The following HERPUD2 variants were observed in gnomAD, a reference collection of about 807,000 sequenced individuals.
HERPUD2 encodes the protein HERPUD family member 2.
HERPUD2 carries 13 observed loss-of-function variants against 49.9 expected under a neutral mutation model. The observed-to-expected ratio is 0.26, with a 90% confidence interval of 0.17 to 0.41. The LOEUF is 0.41. Ranked by LOEUF, HERPUD2 falls within the 10% of genes least tolerant of loss-of-function variation. The pLI, the probability that HERPUD2 is intolerant of heterozygous loss-of-function variation, is 1.00. For synonymous variants in HERPUD2, 172 were observed against 171.4 expected, an observed-to-expected ratio of 1.00 and a Z score of -0.03; for missense variants, 449 against 492.2, an observed-to-expected ratio of 0.91 and a Z score of 0.83.
At chr7:35,651,671 T>C (rs1785171524) in intron 5 of HERPUD2, among the ~76,000 whole-genome samples, 1 of 151,036 alleles carries the variant, frequency 6.6e-6, no homozygotes, top group Non-Finnish European at 1.5e-5. Flanking sequence ...AGAAGAAACA[T>C]GAAAAAGCAA....
At chr7:35,673,358 G>A in intron 2 of HERPUD2, 80 bp from the exon 3 acceptor site, 48 of 1,058,864 alleles carry the variant, frequency 4.5e-5, no homozygotes, top group East Asian at 1.0e-4. Context: ...CCTAATTATG[G>A]GTAAAATAAA....
chr7:35,665,526 C>G (rs1785518746), intron 5 of HERPUD2, among the ~76,000 whole-genome samples: 1 of 152,214 alleles, frequency 6.6e-6, no homozygotes, highest in African/African-American at 2.4e-5. Flanking sequence ...CACGGCTTCC[C>G]TTTTGTAGTA....
At chr7:35,642,911 G>T (rs1411172118) in intron 5 of HERPUD2, among the ~76,000 whole-genome samples, 1 of 152,080 alleles carries the variant, frequency 6.6e-6, no homozygotes, top group African/African-American at 2.4e-5. Flanking sequence ...TCCATGACAC[G>T]AGTTTACCTA....
chr7:35,665,291 G>A (rs9718654), intron 5 of HERPUD2, among the ~76,000 whole-genome samples: 11,382 of 152,276 alleles, frequency 0.075, 600 homozygotes, highest in South Asian at 0.21. Context: ...TGGCCACTTT[G>A]TTTATGTACT....
At chr7:35,657,294 A>T (rs1785295585) in intron 5 of HERPUD2, among the ~76,000 whole-genome samples, 1 of 152,182 alleles carries the variant, frequency 6.6e-6, no homozygotes, top group Non-Finnish European at 1.5e-5. Flanking sequence ...AATGCAAATC[A>T]AAACCACAAT....
chr7:35,670,917 C>T (rs973927005), intron 3 of HERPUD2, among the ~76,000 whole-genome samples: 6 of 151,664 alleles, frequency 4.0e-5, no homozygotes, highest in Non-Finnish European at 7.4e-5. Context: ...TTCCAAATAA[C>T]GATTAGGGTT....
chr7:35,671,518 A>G (rs144195553), intron 3 of HERPUD2, among the ~76,000 whole-genome samples: 1 of 152,216 alleles, frequency 6.6e-6, no homozygotes, highest in East Asian at 1.9e-4. Flanking sequence ...TAAGATGTTG[A>G]TCCTTAGAAA....
chr7:35,692,063 T>C lies in HERPUD2; in HGVS notation c.147+2121A>G, dbSNP rs140358047. On this transcript the variant is annotated intron_variant, in intron 2 of 8. Transcript: ENST00000311350. ...TCAAAGGAGAAAAAAAGGTTTGCCA[T>C]GTTAATCATTAATAGGCTGCATAGT... 3.0e-3 allele frequency among the ~76,000 whole-genome samples: 460 copies of C among 152,362 alleles called. 2 individuals are homozygous for C. Among genetic ancestry groups the C allele is most frequent in the African/African-American group, 0.011 (444 of 41,582 alleles).
At chr7:35,662,324 T>C (rs533391597) in intron 5 of HERPUD2, among the ~76,000 whole-genome samples, 17 of 152,304 alleles carry the variant, frequency 1.1e-4, no homozygotes, top group African/African-American at 4.1e-4. Flanking sequence ...GGGATATTGG[T>C]CTAAAATTCT....
At position 35,632,990 on chromosome 7, in the gene HERPUD2, G is replaced by A. The variant is rs1050623690; in HGVS notation, c.*700C>T. 1.2e-4 allele frequency: 18 copies of A among 151,670 alleles called. No homozygotes were observed. The highest frequency in any genetic ancestry group is 3.6e-4 in the African/African-American group (15 of 41,170). The allele number at this position is 151,670 out of a possible 1,614,324, so 9.4% of individuals were successfully genotyped here. On this transcript the variant is annotated 3_prime_UTR_variant, in exon 9 of 9. Coordinates refer to ENST00000311350, the MANE Select transcript of HERPUD2 (RefSeq NM_022373.5). ...GTTTAAAACTTTCAAGATAATTCAC[G>A]GAAAACAGATATATCTATTCAAATT... is the stretch of plus-strand genomic sequence containing the variant.
intron 5 of HERPUD2, among the ~76,000 whole-genome samples, chr7:35,646,742 CTGAG>C (rs1785061546): frequency 6.6e-6 from 1 of 151,852 alleles, no homozygotes; most frequent in Admixed American, 6.6e-5. Context: ...GCAAGGAAAA[CTGAG>C]TAAGATAATA....
chr7:35,638,972 G>A (rs1784920249), intron 5 of HERPUD2, among the ~76,000 whole-genome samples: 1 of 151,440 alleles, frequency 6.6e-6, no homozygotes, highest in Non-Finnish European at 1.5e-5. Context: ...ATTCTGTAAA[G>A]AGACAAGATT....
chr7:35,686,454 T>G (rs935776116), intron 2 of HERPUD2, among the ~76,000 whole-genome samples: 1 of 61,172 alleles, frequency 1.6e-5, no homozygotes, highest in Non-Finnish European at 3.0e-5. Flanking sequence ...CCCAAAGTGC[T>G]GGGATTACAG....
intron 2 of HERPUD2, among the ~76,000 whole-genome samples, chr7:35,680,809 G>A (rs149047651): frequency 6.6e-6 from 1 of 152,128 alleles, no homozygotes; most frequent in Non-Finnish European, 1.5e-5. Flanking sequence ...CTGTAATTAT[G>A]TCAACATGTG....
At chr7:35,634,459 T>TA (rs1449711936) in intron 7 of HERPUD2, 30 bp from the exon 8 acceptor site, 1 of 1,348,352 alleles carries the variant, frequency 7.4e-7, no homozygotes, top group Admixed American at 1.7e-5. Flanking sequence ...GAAAATAAAA[T>TA]AAGTCACAGT....
intron 5 of HERPUD2, among the ~76,000 whole-genome samples, chr7:35,655,130 C>T (rs1024061156): frequency 8.5e-5 from 13 of 152,054 alleles, no homozygotes; most frequent in African/African-American, 2.4e-4. Context: ...TGGGATTACA[C>T]GCATGAGCCA....
intron 2 of HERPUD2, among the ~76,000 whole-genome samples, chr7:35,684,517 G>C (rs960634080): frequency 1.6e-4 from 21 of 131,368 alleles, no homozygotes; most frequent in African/African-American, 5.3e-4. Context: ...AACTGTGAGA[G>C]ACAGATATAT....
intron 2 of HERPUD2, among the ~76,000 whole-genome samples, chr7:35,690,115 A>T (rs1167337547): frequency 3.3e-5 from 5 of 152,210 alleles, no homozygotes; most frequent in African/African-American, 1.2e-4. Context: ...CTTCACCACC[A>T]AACAGCAATT....
chr7:35,694,121 G>C, intron 2 of HERPUD2, 63 bp downstream of exon 2: 2 of 1,570,006 alleles, frequency 1.3e-6, no homozygotes, highest in Non-Finnish European at 8.8e-7. Flanking sequence ...GCAGGAAAAA[G>C]GAGGGTACAC....
Sources: gnomAD v4.1 joint callset for allele counts (sites outside exome capture counted in the v4.1 genomes callset) on GRCh38, gnomAD v4.1.1 for gene constraint, MANE v1.5 for transcripts, NCBI Gene and HGNC (gene_info 2026-07-23, HGNC 2026-07-21) for gene names.